Variants in KAZN observed in about 807,000 individuals in gnomAD.
KAZN encodes the protein kazrin, periplakin interacting protein.
KAZN carries 40 observed loss-of-function variants against 87.4 expected under a neutral mutation model. That is an observed-to-expected ratio of 0.46 (90% CI 0.36 to 0.60). The LOEUF is 0.60. Ranked by LOEUF, KAZN falls within the 20% of genes least tolerant of loss-of-function variation. The probability of loss-of-function intolerance (pLI) is 0.00; values close to 1 mark genes in which losing one functional copy is unlikely to be tolerated. For missense variants in KAZN, 898 were observed against 1,073.9 expected (o/e 0.84, Z 2.29); for synonymous variants, 466 against 458.3 (o/e 1.02, Z -0.22).
rs538969381 is a variant in KAZN at position 14,684,555 on chromosome 1, T to C, written c.226+85332T>C. On this transcript the variant is annotated intron_variant, in intron 1 of 14. Transcript: ENST00000376030. ...GGCCAGAAGTGTGGACTGAGTCTTA[T>C]GGGGCTAAAGGCAAAGTGTTGGCAG... is the stretch of plus-strand genomic sequence containing the variant. 2.0e-5 allele frequency among the ~76,000 whole-genome samples: 3 copies of C among 152,324 alleles called. No individual in the cohort carries two copies. The East Asian group carries it at 5.8e-4, about 29-fold the overall frequency.
rs543110951 is a variant in KAZN at position 14,664,653 on chromosome 1, C to CTTT, written c.226+65444_226+65446dup. ...GGCCCAGGGATCCTTTTCTTTTTCT[C>CTTT]TTTTTTTTTTTTTTTTCTGAGACAG... is the stretch of plus-strand genomic sequence containing the variant. On this transcript the variant is annotated intron_variant, in intron 1 of 14. Coordinates refer to ENST00000376030, the MANE Select transcript of KAZN (RefSeq NM_201628.3). Among the ~76,000 whole-genome samples the CTTT allele has an allele frequency of 7.0e-4, 98 of 139,398 alleles. 1 individual carries two copies. The East Asian group carries it at 0.014, about 21-fold the overall frequency. 91.5% of individuals were successfully genotyped at this position (139,398 alleles called of 152,430 possible).
In KAZN at chr1:14,334,392, G is replaced by T. The variant is rs373907542; in HGVS notation, c.249+153800G>T. ...AAAAAAAAAAAAAAAAAAAAAAAAG[G>T]AAATGGGAAGGCAGTGGTGGTCAGG... is the stretch of plus-strand genomic sequence containing the variant. On this transcript the variant is annotated intron_variant, in intron 2 of 16. Transcript: ENST00000636203. 4.4e-3 allele frequency among the ~76,000 whole-genome samples: 366 copies of T among 82,458 alleles called. 4 individuals carry two copies. Among genetic ancestry groups the T allele is most frequent in the African/African-American group, 0.016 (342 of 21,968 alleles). 54.1% of individuals were successfully genotyped at this position (82,458 alleles called of 152,430 possible). A position where few individuals can be genotyped will look rare whatever the true frequency, so the allele number is the denominator to read the frequency against.
chr1:14,126,065 G>T (rs1220087648), intron 1 of KAZN, among the ~76,000 whole-genome samples: 1 of 152,088 alleles, frequency 6.6e-6, no homozygotes, highest in Non-Finnish European at 1.5e-5. Flanking sequence ...AAGCACTGAG[G>T]GTTTCAGACT....
At chr1:14,224,469 GA>G (rs1428175546) in intron 2 of KAZN, among the ~76,000 whole-genome samples, 1 of 152,164 alleles carries the variant, frequency 6.6e-6, no homozygotes, top group Non-Finnish European at 1.5e-5. Flanking sequence ...AAAGGAAGAG[GA>G]TACCACCTCT....
intron 1 of KAZN, among the ~76,000 whole-genome samples, chr1:13,996,773 T>G (rs556878214): frequency 1.3e-5 from 2 of 152,322 alleles, no homozygotes; most frequent in Non-Finnish European, 1.5e-5. Context: ...CCTTTCCTCC[T>G]GATAGTTCTG....
intron 2 of KAZN, among the ~76,000 whole-genome samples, chr1:14,998,456 T>C (rs368805625): frequency 2.0e-5 from 3 of 152,210 alleles, no homozygotes; most frequent in East Asian, 1.9e-4. Flanking sequence ...GGTGCAGCAC[T>C]GTTGCAGCCC....
chr1:14,319,729 C>A (rs1051247298), intron 2 of KAZN, among the ~76,000 whole-genome samples: 1 of 152,138 alleles, frequency 6.6e-6, no homozygotes, highest in Non-Finnish European at 1.5e-5. Context: ...TCTCAGGGAT[C>A]ACAGATCTGA....
At chr1:14,390,562 G>C (rs1662332116) in intron 2 of KAZN, 1 of 152,258 alleles carries the variant, frequency 6.6e-6, no homozygotes, top group Non-Finnish European at 1.5e-5. Flanking sequence ...GGAGGATCAT[G>C]TTTTGTATTG....
chr1:14,453,245 G>A (rs1009695494), intron 2 of KAZN, among the ~76,000 whole-genome samples: 11 of 151,980 alleles, frequency 7.2e-5, no homozygotes, highest in Non-Finnish European at 1.6e-4. Flanking sequence ...GTGAGCCACC[G>A]TGCCTGGCCA....
intron 2 of KAZN, among the ~76,000 whole-genome samples, chr1:14,564,406 G>A: frequency 6.6e-6 from 1 of 151,986 alleles, no homozygotes; most frequent in Non-Finnish European, 1.5e-5. Context: ...GGCAGCACTG[G>A]GTAGGTTTTT....
chr1:14,220,670 G>T lies in KAZN; in HGVS notation c.249+40078G>T, dbSNP rs143489898. Among the ~76,000 whole-genome samples, 240 of 152,246 alleles carry T rather than the reference G, an allele frequency of 1.6e-3. 3 individuals carry two copies. The East Asian group carries it at 0.034, about 22-fold the overall frequency. On this transcript the variant is annotated intron_variant, in intron 2 of 16. Transcript: ENST00000636203. ...CAGGCACTTTATACTGCTAGCTTAG[G>T]TTATGAATATTAGAATTAATGCAGC...
At chr1:14,503,918 C>A (rs1670408144) in intron 2 of KAZN, among the ~76,000 whole-genome samples, 1 of 152,128 alleles carries the variant, frequency 6.6e-6, no homozygotes, top group Non-Finnish European at 1.5e-5. Context: ...CAGCCCTGGT[C>A]ATAGCAGTGA....
chr1:14,154,747 A>G (rs1645551413), intron 1 of KAZN, among the ~76,000 whole-genome samples: 1 of 152,218 alleles, frequency 6.6e-6, no homozygotes, highest in African/African-American at 2.4e-5. Context: ...ATCCATTGAA[A>G]TAATTATATG....
At chr1:14,415,075 G>A (rs1664638663) in intron 2 of KAZN, among the ~76,000 whole-genome samples, 1 of 152,080 alleles carries the variant, frequency 6.6e-6, no homozygotes, top group African/African-American at 2.4e-5. Context: ...AACACAGAGG[G>A]AGCTTCAATT....
At chr1:15,023,703 G>T (rs181636130) in intron 2 of KAZN, among the ~76,000 whole-genome samples, 355 of 146,342 alleles carry the variant, frequency 2.4e-3, no homozygotes, top group Non-Finnish European at 3.2e-3. Context: ...TCCATGGCAG[G>T]ATTGATATCT....
At chr1:14,065,279 G>A (rs1299439569) in intron 1 of KAZN, among the ~76,000 whole-genome samples, 4 of 152,130 alleles carry the variant, frequency 2.6e-5, no homozygotes, top group African/African-American at 9.7e-5. Flanking sequence ...TGGAGGAAAT[G>A]GGCTGGGGTG....
At chr1:14,529,880 A>G (rs1233179988) in intron 2 of KAZN, among the ~76,000 whole-genome samples, 37 of 152,216 alleles carry the variant, frequency 2.4e-4, no homozygotes, top group Non-Finnish European at 1.5e-5. Flanking sequence ...TGAGTGGACC[A>G]GGGGCTGCTT....
At chr1:14,411,360 T>C (rs1168455872) in intron 2 of KAZN, among the ~76,000 whole-genome samples, 8 of 152,190 alleles carry the variant, frequency 5.3e-5, no homozygotes, top group African/African-American at 1.7e-4. Context: ...AGTGGCGTGA[T>C]CACAGCTCAG....
chr1:14,889,426 C>T (rs1360278605), intron 1 of KAZN, among the ~76,000 whole-genome samples: 2 of 152,166 alleles, frequency 1.3e-5, no homozygotes, highest in Non-Finnish European at 2.9e-5. Flanking sequence ...AGCATGGGTG[C>T]ATCTTGGAAA....
Sources: allele counts gnomAD v4.1 joint callset (sites outside exome capture counted in the v4.1 genomes callset), GRCh38; gene constraint gnomAD v4.1.1; transcripts MANE v1.5; gene names NCBI Gene and HGNC (gene_info 2026-07-23, HGNC 2026-07-21).